The following SH3GL2 variants were observed in gnomAD, a reference collection of about 807,000 sequenced individuals.
SH3GL2 encodes the protein endophilin-A1.
In SH3GL2, 24 loss-of-function variants were observed where a neutral mutation model predicts 46.0. That is an observed-to-expected ratio of 0.52 (90% confidence interval 0.38 to 0.73). The LOEUF is 0.73. SH3GL2 is among the 30% of genes least tolerant of loss of function. SH3GL2 has a pLI of 0.00. For missense variants in SH3GL2, 413 were observed against 424.2 expected, an observed-to-expected ratio of 0.97 and a Z score of 0.23; for synonymous variants, 196 against 147.1, an observed-to-expected ratio of 1.33 and a Z score of -2.40.
intron 1 of SH3GL2, among the ~76,000 whole-genome samples, chr9:17,646,686 C>T (rs941118850): frequency 1.6e-4 from 25 of 152,254 alleles, no homozygotes; most frequent in African/African-American, 2.9e-4. Context: ...CTGTTTGCCT[C>T]GGTATCACCA....
At chr9:17,743,019 A>G (rs992197000) in intron 1 of SH3GL2, among the ~76,000 whole-genome samples, 1 of 152,240 alleles carries the variant, frequency 6.6e-6, no homozygotes, top group Non-Finnish European at 1.5e-5. Flanking sequence ...TCAATTTTAG[A>G]TATCACCTCA....
chr9:17,621,018 G>A (rs1180650109), intron 1 of SH3GL2, among the ~76,000 whole-genome samples: 11 of 152,244 alleles, frequency 7.2e-5, no homozygotes, highest in Middle Eastern at 6.8e-3. Context: ...GTTTTCCAGC[G>A]TTTAAAGATG....
chr9:17,776,415 C>T (rs548658752), intron 3 of SH3GL2, among the ~76,000 whole-genome samples: 1 of 152,270 alleles, frequency 6.6e-6, no homozygotes, highest in East Asian at 1.9e-4. Context: ...GCTTGGTCCC[C>T]TGACATTTTA....
At chr9:17,608,276 T>C (rs1818797135) in intron 1 of SH3GL2, among the ~76,000 whole-genome samples, 1 of 151,158 alleles carries the variant, frequency 6.6e-6, no homozygotes, top group South Asian at 2.1e-4. Context: ...GCCTCCCGAG[T>C]ATCTGGGACT....
At chr9:17,588,709 G>A (rs1403546291) in intron 1 of SH3GL2, among the ~76,000 whole-genome samples, 1 of 152,186 alleles carries the variant, frequency 6.6e-6, no homozygotes, top group Non-Finnish European at 1.5e-5. Context: ...CTTCATTTTG[G>A]CCTTGTGAGG....
chr9:17,758,594 A>AC (rs1823076197), intron 2 of SH3GL2, among the ~76,000 whole-genome samples: 1 of 147,426 alleles, frequency 6.8e-6, no homozygotes, highest in Non-Finnish European at 1.5e-5. Flanking sequence ...AAAAAAAAAA[A>AC]ATTGCAGTCA....
chr9:17,748,573 A>G (rs1462353126), intron 2 of SH3GL2, among the ~76,000 whole-genome samples: 1 of 152,298 alleles, frequency 6.6e-6, no homozygotes, highest in Non-Finnish European at 1.5e-5. Context: ...AATTAAAAAA[A>G]AAATCCTAGG....
intron 1 of SH3GL2, among the ~76,000 whole-genome samples, chr9:17,705,325 G>A (rs1005052419): frequency 6.6e-6 from 1 of 152,040 alleles, no homozygotes; most frequent in Admixed American, 6.6e-5. Flanking sequence ...ATTGTGGAAA[G>A]CAGTGTGGCA....
At chr9:17,731,433 GAGAA>G (rs1200776674) in intron 1 of SH3GL2, among the ~76,000 whole-genome samples, 1 of 151,500 alleles carries the variant, frequency 6.6e-6, no homozygotes, top group Non-Finnish European at 1.5e-5. Context: ...GAGAGAGAGA[GAGAA>G]AGAGAGAGAG....
chr9:17,648,294 A>G (rs1718584176), intron 1 of SH3GL2, among the ~76,000 whole-genome samples: 1 of 152,196 alleles, frequency 6.6e-6, no homozygotes, highest in African/African-American at 2.4e-5. Flanking sequence ...AACATGATCA[A>G]GATTAGGGGA....
At chr9:17,738,569 T>TATACATATGTGTGTATATACATAC (rs1563833753) in intron 1 of SH3GL2, among the ~76,000 whole-genome samples, 3 of 88,086 alleles carry the variant, frequency 3.4e-5, no homozygotes, top group Non-Finnish European at 4.7e-5. Flanking sequence ...TACATACATA[T>TATACATATGTGTGTATATACATAC]ATATATAGAG....
chr9:17,790,891 C>G (rs1824108424), intron 6 of SH3GL2, among the ~76,000 whole-genome samples: 1 of 152,066 alleles, frequency 6.6e-6, no homozygotes, highest in African/African-American at 2.4e-5. Context: ...GGCCAGTGTA[C>G]CTTCTTTTCT....
intron 1 of SH3GL2, among the ~76,000 whole-genome samples, chr9:17,646,453 C>T (rs1338543755): frequency 6.6e-6 from 1 of 152,046 alleles, no homozygotes; most frequent in Non-Finnish European, 1.5e-5. Context: ...GGAGAAGAGG[C>T]GTTCTGGTTT....
chr9:17,770,767 GTC>G (rs1823455908), intron 3 of SH3GL2, among the ~76,000 whole-genome samples: 1 of 152,168 alleles, frequency 6.6e-6, no homozygotes, highest in Non-Finnish European at 1.5e-5. Context: ...ACTGGGGGTA[GTC>G]TCTAGAACCT....
chr9:17,646,497 C>T (rs1478467581), intron 1 of SH3GL2, among the ~76,000 whole-genome samples: 1 of 152,116 alleles, frequency 6.6e-6, no homozygotes, highest in African/African-American at 2.4e-5. Flanking sequence ...CTGGTTTTCC[C>T]TCATCTTTGT....
At chr9:17,729,937 A>G (rs972181799) in intron 1 of SH3GL2, among the ~76,000 whole-genome samples, 14 of 151,946 alleles carry the variant, frequency 9.2e-5, no homozygotes, top group African/African-American at 3.4e-4. Context: ...TGTCTTGGCT[A>G]TACGGGCTCT....
chr9:17,620,319 T>G (rs1819107761), intron 1 of SH3GL2, among the ~76,000 whole-genome samples: 1 of 152,222 alleles, frequency 6.6e-6, no homozygotes, highest in Non-Finnish European at 1.5e-5. Context: ...GCACTGGGTA[T>G]CCAGTGAGGA....
chr9:17,618,973 C>A (rs1819068859), intron 1 of SH3GL2, among the ~76,000 whole-genome samples: 1 of 151,694 alleles, frequency 6.6e-6, no homozygotes, highest in South Asian at 2.1e-4. Context: ...TTTTTAAATT[C>A]CAAAAATGAC....
chr9:17,604,046 G>A (rs988130182), intron 1 of SH3GL2, among the ~76,000 whole-genome samples: 1 of 152,210 alleles, frequency 6.6e-6, no homozygotes, highest in African/African-American at 2.4e-5. Context: ...TCATGGTGGG[G>A]TTTGGCTGCC....
Sources: gnomAD v4.1 joint callset for allele counts (sites outside exome capture counted in the v4.1 genomes callset) on GRCh38, gnomAD v4.1.1 for gene constraint, MANE v1.5 for transcripts, NCBI Gene and HGNC (gene_info 2026-07-23, HGNC 2026-07-21) for gene names.